The following KCNQ1 variants were observed in gnomAD, a reference collection of about 807,000 sequenced individuals.
The protein encoded by KCNQ1 is potassium voltage-gated channel subfamily KQT member 1.
KCNQ1 carries 49 observed loss-of-function variants against 72.4 expected under a neutral mutation model. The ratio of observed to expected loss-of-function variants is 0.68; its 90% confidence interval spans 0.54 to 0.86. The LOEUF is 0.86. Among genes scored for constraint, KCNQ1 ranks in the 40% least tolerant of loss-of-function variants. The pLI is 0.00. For missense variants in KCNQ1, 790 were observed against 945.1 expected (o/e 0.84, Z 2.15); for synonymous variants, 450 against 412.6 (o/e 1.09, Z -1.10).
chr11:2,571,909 GAGGGGC>G (rs1400321212), intron 4 of KCNQ1, 98 bp from the exon 5 acceptor site: 4 of 915,436 alleles, frequency 4.4e-6, no homozygotes, highest in Middle Eastern at 2.1e-4. Context: ...GGACGCCTGG[GAGGGGC>G]AGGGGCAGGG....
chr11:2,445,714 C>T (rs1483817348), intron 1 of KCNQ1, among the ~76,000 whole-genome samples: 3 of 152,180 alleles, frequency 2.0e-5, no homozygotes, highest in Non-Finnish European at 4.4e-5. Flanking sequence ...GGGAGGGAGC[C>T]GGCTGGGGAG....
At position 2,602,694 on chromosome 11, in the gene KCNQ1, C is replaced by A; in HGVS notation, c.1393+13840C>A. ...ATTAGGATGATACTGAACATCTTTT[C>A]ATGTGCCTGTTTGCCATTTTTGTAT... On this transcript the variant is annotated intron_variant, in intron 10 of 15. Coordinates refer to ENST00000155840, the MANE Select transcript of KCNQ1 (RefSeq NM_000218.3). The surrounding 1 kb of genome is among the most constrained non-coding windows in gnomAD (Gnocchi z 4.8). Among the ~76,000 whole-genome samples the A allele has an allele frequency of 6.6e-6, 1 of 152,200 alleles. No homozygotes were observed. The highest frequency in any genetic ancestry group is 1.9e-4 in the East Asian group (1 of 5,206).
At position 2,623,370 on chromosome 11, in the gene KCNQ1, A is replaced by G. The variant is rs140858386; in HGVS notation, c.1393+34516A>G. ...TAGTATCATACAGATACGTATATTT[A>G]CATATATTTGTACATTTTCACTGCC... is the stretch of plus-strand genomic sequence containing the variant. On this transcript the variant is annotated intron_variant, in intron 10 of 15. Transcript: ENST00000155840. The surrounding 1 kb of genome is among the most constrained non-coding windows in gnomAD (Gnocchi z 5.2). The G allele has an allele frequency of 2.5e-6, 1 of 398,618 alleles. No homozygotes were observed. The highest frequency in any genetic ancestry group is 2.1e-5 in the African/African-American group (1 of 48,744). The allele number at this position is 398,618 out of a possible 1,614,324, so 24.7% of individuals were successfully genotyped here.
chr11:2,648,325 G>T, intron 10 of KCNQ1: 2 of 398,420 alleles, frequency 5.0e-6, no homozygotes, highest in Non-Finnish European at 8.8e-6. Context: ...GGTTTGATTT[G>T]TTCTTGCTTT....
intron 10 of KCNQ1, chr11:2,640,368 C>A: frequency 2.5e-6 from 1 of 398,662 alleles, no homozygotes; most frequent in South Asian, 1.3e-4. Context: ...TTACTGCAAT[C>A]TTTAACTCCC....
chr11:2,670,313 C>T lies in KCNQ1; in HGVS notation c.1514+8232C>T, dbSNP rs1187588853. The T allele has an allele frequency of 5.0e-6, 2 of 398,454 alleles. No individual in the cohort carries two copies. Among genetic ancestry groups the T allele is most frequent in the Non-Finnish European group, 8.8e-6 (2 of 226,074 alleles). 24.7% of individuals were successfully genotyped at this position (398,454 alleles called of 1,614,324 possible). ...CATAGGTGCCCAATGGAGAGATAAT[C>T]TCAAATATGGTAGCAGAGTTCAGAC... On this transcript the variant is annotated intron_variant, in intron 11 of 15. Coordinates refer to ENST00000155840, the MANE Select transcript of KCNQ1 (RefSeq NM_000218.3). The surrounding 1 kb of genome is among the most constrained non-coding windows in gnomAD (Gnocchi z 4.9).
intron 10 of KCNQ1, chr11:2,630,997 G>T (rs184062692): frequency 2.5e-6 from 1 of 398,306 alleles, no homozygotes; most frequent in African/African-American, 2.1e-5. Flanking sequence ...TTATCTTGCC[G>T]CTTTCAAAAT....
Position 2,595,697 on chromosome 11 carries a change from C to T in KCNQ1, c.1393+6843C>T, listed in dbSNP as rs113232038. 6.6e-6 allele frequency among the ~76,000 whole-genome samples: 1 copy of T among 151,832 alleles called. No homozygotes were observed. Among genetic ancestry groups the T allele is most frequent in the Non-Finnish European group, 1.5e-5 (1 of 67,990 alleles). ...ATCCAAGACCTCTGATGGAGATGTA[C>T]AAGATTAGTGTTGTTCTTATGGCTG... On this transcript the variant is annotated intron_variant, in intron 10 of 15. Coordinates refer to ENST00000155840, the MANE Select transcript of KCNQ1 (RefSeq NM_000218.3). This position sits in a 1 kb window ranked among gnomAD's most constrained non-coding sequence, Gnocchi z 5.0.
intron 11 of KCNQ1, among the ~76,000 whole-genome samples, chr11:2,728,611 C>T (rs1405896029): frequency 6.6e-6 from 1 of 152,334 alleles, no homozygotes; most frequent in Middle Eastern, 3.4e-3. Context: ...GGGCACGGGG[C>T]CTGAGCCTAC....
chr11:2,477,311 AAAGGTAGGAAATGCT>A lies in KCNQ1; in HGVS notation c.386+31828_386+31842del, dbSNP rs1846584844. Among the ~76,000 whole-genome samples, 1 of 152,220 alleles carries A rather than the reference AAAGGTAGGAAATGCT, an allele frequency of 6.6e-6. No individual in the cohort carries two copies. Among genetic ancestry groups the A allele is most frequent in the Non-Finnish European group, 1.5e-5 (1 of 68,038 alleles). ...TTTGAACAATTTTTAATGTGGGATC[AAAGGTAGGAAATGCT>A]CTTTACAAAGTCATCAAAAAGTTTT... On this transcript the variant is annotated intron_variant, in intron 1 of 15. Transcript: ENST00000155840. This position sits in a 1 kb window ranked among gnomAD's most constrained non-coding sequence, Gnocchi z 5.0.
chr11:2,684,754 G>T (rs1031101464), intron 11 of KCNQ1: 4 of 398,644 alleles, frequency 1.0e-5, no homozygotes, highest in Non-Finnish European at 1.8e-5. Flanking sequence ...GAGAAAAGGG[G>T]TAAGGGAGGA....
rs571468234 is a variant in KCNQ1, at chr11:2,827,845, G to A, written c.1795-19922G>A. On this transcript the variant is annotated intron_variant, in intron 15 of 15. Transcript: ENST00000155840. The surrounding 1 kb of genome is among the most constrained non-coding windows in gnomAD (Gnocchi z 6.7). ...ACTGTTTTCCGGAATGAAGAGGAAGGGGCGGGCAGAAGGCAGCGAGAGCTT... is the reference window on the plus strand; with the variant it reads ...ACTGTTTTCCGGAATGAAGAGGAAGAGGCGGGCAGAAGGCAGCGAGAGCTT... Among the ~76,000 whole-genome samples, 32 of 152,294 alleles carry A rather than the reference G, an allele frequency of 2.1e-4. 1 individual carries two copies. The East Asian group carries it at 5.6e-3, about 27-fold the overall frequency.
Position 2,848,816 on chromosome 11 carries a change from G to A in KCNQ1, c.*813G>A, listed in dbSNP as rs1848397545. The A allele has an allele frequency of 2.2e-6, 1 of 454,052 alleles. No individual in the cohort carries two copies. The highest frequency in any genetic ancestry group is 4.4e-6 in the Non-Finnish European group (1 of 226,802). 28.1% of individuals were successfully genotyped at this position (454,052 alleles called of 1,614,324 possible). ...AGGGGACTGCCACCTCCCCTTGCCA[G>A]CTGCTGAGCCGCAGAGAAGTGACGG... On this transcript the variant is annotated 3_prime_UTR_variant, in exon 16 of 16. Coordinates refer to ENST00000155840, the MANE Select transcript of KCNQ1 (RefSeq NM_000218.3).
At chr11:2,560,678 G>A (rs1208921180) in intron 2 of KCNQ1, among the ~76,000 whole-genome samples, 1 of 152,102 alleles carries the variant, frequency 6.6e-6, no homozygotes, top group Non-Finnish European at 1.5e-5. Flanking sequence ...CCACAAGGCA[G>A]GTGCCTGGGA....
In KCNQ1 at chr11:2,657,568, A is replaced by G; in HGVS notation, c.1394-4393A>G. 1 of 398,602 alleles carries G rather than the reference A, an allele frequency of 2.5e-6. No homozygotes were observed. The highest frequency in any genetic ancestry group is 4.4e-6 in the Non-Finnish European group (1 of 226,062). 24.7% of individuals were successfully genotyped at this position (398,602 alleles called of 1,614,324 possible). A position where few individuals can be genotyped will look rare whatever the true frequency, so the allele number is the denominator to read the frequency against. On this transcript the variant is annotated intron_variant, in intron 10 of 15. Coordinates refer to ENST00000155840, the MANE Select transcript of KCNQ1 (RefSeq NM_000218.3). This position sits in a 1 kb window ranked among gnomAD's most constrained non-coding sequence, Gnocchi z 4.8. Reference sequence around the variant, plus strand: ...TTCACCAGCTTCCCCTAATGTTAGCATCTTATATAACCATGGTACATTGAC... The same window carrying G: ...TTCACCAGCTTCCCCTAATGTTAGCGTCTTATATAACCATGGTACATTGAC...
intron 11 of KCNQ1, chr11:2,666,260 C>T (rs556819939): frequency 4.3e-5 from 17 of 398,480 alleles, no homozygotes; most frequent in Non-Finnish European, 6.2e-5. Flanking sequence ...AGGACCAGGA[C>T]CCCCGAGGCT....
chr11:2,662,793 G>T (rs1458813104), intron 11 of KCNQ1: 5 of 398,964 alleles, frequency 1.3e-5, no homozygotes, highest in Non-Finnish European at 2.2e-5. Flanking sequence ...ATGTCTTTGT[G>T]TCAAGATCTG....
intron 1 of KCNQ1, chr11:2,461,396 G>A: frequency 1.6e-6 from 2 of 1,265,194 alleles, no homozygotes; most frequent in African/African-American, 1.5e-5. Context: ...GAGGAGATAA[G>A]CCTGCTGACT....
rs561256247 is a variant in KCNQ1, at chr11:2,729,319, G to T, written c.1515-39525G>T. Among the ~76,000 whole-genome samples, 11 of 152,346 alleles carry T rather than the reference G, an allele frequency of 7.2e-5. 1 individual carries two copies. In the South Asian group the frequency reaches 2.3e-3, roughly 32 times the overall value. On this transcript the variant is annotated intron_variant, in intron 11 of 15. Coordinates refer to ENST00000155840, the MANE Select transcript of KCNQ1 (RefSeq NM_000218.3). ...CCTCGGTGCCCACACCTATACAATG[G>T]GGGTAATAAAGTCCCCACATTGTAG...
Sources: gnomAD v4.1 joint callset for allele counts (sites outside exome capture counted in the v4.1 genomes callset) on GRCh38, gnomAD v4.1.1 for gene constraint, Gnocchi (gnomAD v3.1) non-coding constraint, MANE v1.5 for transcripts, NCBI Gene and HGNC (gene_info 2026-07-23, HGNC 2026-07-21) for gene names.